MZT2B: variants seen among roughly 807,000 people sequenced by gnomAD.
MZT2B encodes the protein mitotic spindle organizing protein 2B.
Under a neutral mutation model 12.1 loss-of-function variants are expected in MZT2B, and 11 were observed. The observed-to-expected ratio is 0.91, with a 90% CI of 0.57 to 1.50. The LOEUF is 1.50. MZT2B is among the 40% of genes most tolerant of loss of function. The pLI, the probability that MZT2B is intolerant of heterozygous loss-of-function variation, is 0.00. For missense variants in MZT2B, 209 were observed against 227.7 expected (o/e 0.92, Z 0.53); for synonymous variants, 85 against 109.5 (o/e 0.78, Z 1.40).
chr2:130,191,996 A>T (rs771977280), downstream of MZT2B: 1 of 1,614,020 alleles, frequency 6.2e-7, no homozygotes, highest in Non-Finnish European at 8.5e-7. Context: ...CATACATGAG[A>T]TCGAACTTAT....
the MZT2B span, chr2:130,196,324 G>A: frequency 1.2e-6 from 2 of 1,614,158 alleles, no homozygotes; most frequent in Admixed American, 1.7e-5. Context: ...AGCAGGCATT[G>A]CCGATCTGGA....
At chr2:130,202,510 A>G in the MZT2B span, 1 of 1,241,962 alleles carries the variant, frequency 8.1e-7, no homozygotes, top group Non-Finnish European at 1.1e-6. Flanking sequence ...CATTTCATAC[A>G]GATGTTTACA....
At chr2:130,193,707 A>G, downstream of MZT2B, 1 of 1,534,596 alleles carries the variant, frequency 6.5e-7, no homozygotes, top group Middle Eastern at 1.8e-4. Flanking sequence ...AGTCTCCCCA[A>G]AGGATGTGGG....
the MZT2B span, chr2:130,204,048 GC>G: frequency 2.3e-6 from 1 of 437,684 alleles, no homozygotes. Context: ...CCCATCTGTG[GC>G]TTTAATCTGT....
At chr2:130,202,386 G>A in the MZT2B span, 3,846 of 1,290,730 alleles carry the variant, frequency 3.0e-3, 95 homozygotes, top group African/African-American at 0.053. Flanking sequence ...GCAGCTACGG[G>A]GGCCAGAGAA....
chr2:130,197,210 C>G, the MZT2B span, among the ~76,000 whole-genome samples: 1 of 152,162 alleles, frequency 6.6e-6, no homozygotes, highest in Non-Finnish European at 1.5e-5. Flanking sequence ...CTCTGCCAAG[C>G]TGGGTGTGGT....
the MZT2B span, among the ~76,000 whole-genome samples, chr2:130,202,844 T>G: frequency 6.6e-6 from 1 of 152,086 alleles, no homozygotes; most frequent in African/African-American, 2.4e-5. Flanking sequence ...GACCTCGTCC[T>G]TCTCTCTACA....
At chr2:130,183,550 C>G in intron 2 of MZT2B, 1 of 661,150 alleles carries the variant, frequency 1.5e-6, no homozygotes, top group East Asian at 2.8e-5. Context: ...CTCTGAAATG[C>G]AGCACAACCT....
downstream of MZT2B, among the ~76,000 whole-genome samples, chr2:130,193,090 C>CAAA (rs34628369): frequency 6.0e-5 from 8 of 134,214 alleles, no homozygotes; most frequent in East Asian, 1.3e-3. Flanking sequence ...AAGATTGTCT[C>CAAA]AAAAAAAAAA....
chr2:130,197,504 A>AAAAAG, the MZT2B span, among the ~76,000 whole-genome samples: 15 of 110,008 alleles, frequency 1.4e-4, 4 homozygotes, highest in Non-Finnish European at 2.3e-4. Flanking sequence ...AAAAAAAAAA[A>AAAAAG]AAAAGAAAAG....
In MZT2B at chr2:130,182,618, C is replaced by T. The variant is rs1180585058; in HGVS notation, c.171-9C>T. The T allele has an allele frequency of 1.3e-6, 2 of 1,540,734 alleles. No homozygotes were observed. Among genetic ancestry groups the T allele is most frequent in the African/African-American group, 1.4e-5 (1 of 72,930 alleles). ...GAGGGCTCACCGGCCCCGCGTCTGT[C>T]CCCGCCAGGATCCTGGTGGACCTGC... On this transcript the variant is annotated splice_polypyrimidine_tract_variant and intron_variant, in intron 1 of 2. Transcript: ENST00000281871.
At chr2:130,186,911 T>G (rs1690085200) in intron 2 of MZT2B, among the ~76,000 whole-genome samples, 1 of 144,532 alleles carries the variant, frequency 6.9e-6, no homozygotes, top group Non-Finnish European at 1.5e-5. Context: ...GTCTCAAAAA[T>G]AAACAAAAAA....
chr2:130,196,007 A>C, the MZT2B span: 3 of 1,391,932 alleles, frequency 2.2e-6, no homozygotes, highest in Non-Finnish European at 2.9e-6. Context: ...CAAACCTTTC[A>C]GTTTCTCTCC....
At chr2:130,186,269 C>A (rs1434302066) in intron 2 of MZT2B, among the ~76,000 whole-genome samples, 1 of 152,126 alleles carries the variant, frequency 6.6e-6, no homozygotes, top group East Asian at 1.9e-4. Flanking sequence ...AGCAGGCACC[C>A]TGGGTCCTCT....
At chr2:130,202,497 G>A in the MZT2B span, 116 of 1,271,964 alleles carry the variant, frequency 9.1e-5, no homozygotes, top group East Asian at 5.6e-4. Context: ...GTTTTGTAAG[G>A]TTCATTTCAT....
At chr2:130,192,570 G>A (rs915445983), downstream of MZT2B, among the ~76,000 whole-genome samples, 10 of 152,210 alleles carry the variant, frequency 6.6e-5, no homozygotes, top group African/African-American at 2.4e-4. Context: ...AAGCCACTGT[G>A]GATATGCAAA....
intron 2 of MZT2B, 150 bp downstream of exon 2, chr2:130,182,925 C>G: frequency 9.0e-7 from 1 of 1,110,066 alleles, no homozygotes; most frequent in Non-Finnish European, 1.3e-6. Context: ...GTGGGCTCTG[C>G]TCCTGGGCTT....
At position 130,189,582 on chromosome 2, in the gene MZT2B, T is replaced by C. The variant is rs1220142626; in HGVS notation, c.320-887T>C. Among the ~76,000 whole-genome samples, 4 of 152,114 alleles carry C rather than the reference T, an allele frequency of 2.6e-5. No homozygotes were observed. In the East Asian group the frequency reaches 7.7e-4, roughly 29 times the overall value. On this transcript the variant is annotated intron_variant, in intron 2 of 2. Coordinates refer to ENST00000281871, the MANE Select transcript of MZT2B (RefSeq NM_025029.5). ...CAGGGGAGAGCCCTGGCCAAGGCAC[T>C]CCACATGGGGGTCTGTGACCCCACG...
chr2:130,190,644 T>C lies in MZT2B; in HGVS notation c.*18T>C. On this transcript the variant is annotated 3_prime_UTR_variant, in exon 3 of 3. Coordinates refer to ENST00000281871, the MANE Select transcript of MZT2B (RefSeq NM_025029.5). ...GCACCTAGGATGGGGCAGAGACTTG[T>C]TGCATCTTTGTCCCCAGCAAAGGCT... 1 of 1,588,850 alleles carries C rather than the reference T, an allele frequency of 6.3e-7. No individual in the cohort carries two copies. Among genetic ancestry groups the C allele is most frequent in the Non-Finnish European group, 8.6e-7 (1 of 1,161,380 alleles).
Sources: allele counts gnomAD v4.1 joint callset (sites outside exome capture counted in the v4.1 genomes callset), GRCh38; gene constraint gnomAD v4.1.1; transcripts MANE v1.5; gene names NCBI Gene and HGNC (gene_info 2026-07-23, HGNC 2026-07-21).